Variants in METTL8 observed in about 807,000 individuals in gnomAD.
METTL8 encodes methyltransferase 8, tRNA N3-cytidine, also known as tRNA N(3)-cytidine methyltransferase METTL8, mitochondrial.
In METTL8, 32 loss-of-function variants were observed where a neutral mutation model predicts 48.7. That is an observed-to-expected ratio of 0.66 (90% CI 0.50 to 0.88). The LOEUF (loss-of-function observed/expected upper bound fraction) is 0.88, where lower values mean the gene tolerates loss of function less well. Among genes scored for constraint, METTL8 ranks in the 40% least tolerant of loss-of-function variants. METTL8 has a pLI of 0.00. For missense variants in METTL8, 464 were observed against 474.4 expected (o/e 0.98, Z 0.20); for synonymous variants, 136 against 157.1 (o/e 0.87, Z 1.01).
intron 1 of METTL8, among the ~76,000 whole-genome samples, chr2:171,405,419 T>C (rs1690074923): frequency 6.6e-6 from 1 of 152,182 alleles, no homozygotes; most frequent in South Asian, 2.1e-4. Flanking sequence ...CAATTGGTTT[T>C]AGAAATGTAG....
At chr2:171,361,124 T>G (rs1349472042) in intron 2 of METTL8, among the ~76,000 whole-genome samples, 1 of 152,216 alleles carries the variant, frequency 6.6e-6, no homozygotes, top group African/African-American at 2.4e-5. Context: ...TATTTTTAGT[T>G]TCAGAATCGA....
upstream of METTL8, chr2:171,434,254 AG>A: frequency 2.0e-6 from 1 of 497,380 alleles, no homozygotes; most frequent in Non-Finnish European, 3.9e-6. Flanking sequence ...ACGAGGCACT[AG>A]GAACTACATT....
intron 7 of METTL8, among the ~76,000 whole-genome samples, chr2:171,330,031 C>T (rs1235340760): frequency 2.0e-5 from 3 of 152,172 alleles, no homozygotes; most frequent in African/African-American, 7.2e-5. Flanking sequence ...TAAATGATGG[C>T]ATCAGGCTAA....
At chr2:171,431,866 C>A (rs1303994261) in intron 1 of METTL8, among the ~76,000 whole-genome samples, 2 of 152,338 alleles carry the variant, frequency 1.3e-5, no homozygotes, top group East Asian at 1.9e-4. Context: ...ACCTCTGGGG[C>A]TTCTGGGTTG....
intron 2 of METTL8, among the ~76,000 whole-genome samples, chr2:171,361,366 G>A (rs933855909): frequency 2.6e-5 from 4 of 151,184 alleles, no homozygotes; most frequent in African/African-American, 9.7e-5. Flanking sequence ...TATTCAAGTT[G>A]CATTTAGCCT....
intron 1 of METTL8, among the ~76,000 whole-genome samples, chr2:171,427,865 T>C (rs995996581): frequency 2.6e-5 from 4 of 152,194 alleles, no homozygotes; most frequent in African/African-American, 9.7e-5. Context: ...AACTTTCCCC[T>C]GCACATTATG....
intron 3 of METTL8, among the ~76,000 whole-genome samples, chr2:171,359,520 T>C (rs1684942032): frequency 6.6e-6 from 1 of 152,018 alleles, no homozygotes; most frequent in African/African-American, 2.4e-5. Flanking sequence ...TGGGTATTTA[T>C]CCAAAAGAAA....
At chr2:171,421,532 T>G (rs776587613) in intron 1 of METTL8, among the ~76,000 whole-genome samples, 9 of 152,042 alleles carry the variant, frequency 5.9e-5, no homozygotes, top group Non-Finnish European at 1.2e-4. Flanking sequence ...ATGATACACT[T>G]AGGAAGTTGT....
intron 2 of METTL8, among the ~76,000 whole-genome samples, chr2:171,374,318 C>T (rs1686712039): frequency 6.6e-6 from 1 of 152,096 alleles, no homozygotes; most frequent in Admixed American, 6.5e-5. Flanking sequence ...AACACAGGTA[C>T]AATAATTTCT....
chr2:171,375,143 C>T, intron 2 of METTL8: 1 of 1,447,208 alleles, frequency 6.9e-7, no homozygotes, highest in Non-Finnish European at 9.6e-7. Flanking sequence ...GCTGCGGCCT[C>T]CACTACGTTT....
chr2:171,342,900 C>T (rs1559075044), intron 3 of METTL8, among the ~76,000 whole-genome samples: 3 of 151,958 alleles, frequency 2.0e-5, no homozygotes, highest in Non-Finnish European at 2.9e-5. Flanking sequence ...AGCGGCCAGG[C>T]GAGGTGGCTC....
chr2:171,335,710 C>A (rs1263810060), intron 5 of METTL8, among the ~76,000 whole-genome samples: 2 of 152,192 alleles, frequency 1.3e-5, no homozygotes, highest in African/African-American at 4.8e-5. Flanking sequence ...CAGGTGTGAG[C>A]CACCGCACCA....
chr2:171,354,697 A>G (rs956136836), intron 3 of METTL8, among the ~76,000 whole-genome samples: 1 of 151,994 alleles, frequency 6.6e-6, no homozygotes. Context: ...TTTTCGCTTC[A>G]TTTCATTCAT....
At chr2:171,368,972 A>G (rs1686009329) in intron 2 of METTL8, among the ~76,000 whole-genome samples, 1 of 152,162 alleles carries the variant, frequency 6.6e-6, no homozygotes, top group South Asian at 2.1e-4. Flanking sequence ...TTAGTGTAAT[A>G]TCAAAAAAAA....
chr2:171,421,822 G>T (rs1276931171), intron 1 of METTL8, among the ~76,000 whole-genome samples: 2 of 152,054 alleles, frequency 1.3e-5, no homozygotes, highest in Non-Finnish European at 2.9e-5. Context: ...GGTATATGCG[G>T]GCATCCTGGA....
chr2:171,415,617 T>A (rs1372309110), intron 1 of METTL8, among the ~76,000 whole-genome samples: 2 of 152,176 alleles, frequency 1.3e-5, no homozygotes, highest in Non-Finnish European at 2.9e-5. Flanking sequence ...CCCAAAGTGC[T>A]GGGATTACAG....
intron 4 of METTL8, among the ~76,000 whole-genome samples, chr2:171,338,763 C>G (rs1575753204): frequency 1.3e-5 from 2 of 151,948 alleles, no homozygotes; most frequent in East Asian, 3.9e-4. Flanking sequence ...ATATACATTG[C>G]CTTTAAAATA....
At chr2:171,381,099 A>G (rs974517157) in intron 2 of METTL8, among the ~76,000 whole-genome samples, 2 of 152,202 alleles carry the variant, frequency 1.3e-5, no homozygotes, top group Admixed American at 6.5e-5. Flanking sequence ...CAGAGAAATA[A>G]GTCCACACAT....
chr2:171,372,744 T>C (rs1686495845), intron 2 of METTL8, among the ~76,000 whole-genome samples: 1 of 152,186 alleles, frequency 6.6e-6, no homozygotes, highest in South Asian at 2.1e-4. Flanking sequence ...TTTAGTTTTC[T>C]GTCCTTGCGA....
Sources: allele counts gnomAD v4.1 joint callset (sites outside exome capture counted in the v4.1 genomes callset), GRCh38; gene constraint gnomAD v4.1.1; transcripts MANE v1.5; gene names NCBI Gene and HGNC (gene_info 2026-07-23, HGNC 2026-07-21).